The following GRIA2 variants were observed in gnomAD, a reference collection of about 807,000 sequenced individuals.
GRIA2 encodes glutamate ionotropic receptor AMPA type subunit 2.
Under a neutral mutation model 97.3 loss-of-function variants are expected in GRIA2, and 14 were observed. That is an observed-to-expected ratio of 0.14 (90% CI 0.10 to 0.23). The LOEUF is 0.23. GRIA2 is among the 10% of genes least tolerant of loss of function. The pLI is 1.00. For synonymous variants in GRIA2, 412 were observed against 387.8 expected (o/e 1.06, Z -0.73); for missense variants, 558 against 1,069.8 (o/e 0.52, Z 6.67).
intron 5 of GRIA2, among the ~76,000 whole-genome samples, chr4:157,319,698 CCT>C (rs1579359998): frequency 1.3e-5 from 2 of 152,038 alleles, no homozygotes; most frequent in Non-Finnish European, 2.9e-5. Flanking sequence ...TTTTCTTCCC[CCT>C]GTCAGGTTGT....
intron 12 of GRIA2, among the ~76,000 whole-genome samples, chr4:157,344,753 G>T (rs1240822336): frequency 6.6e-6 from 1 of 151,942 alleles, no homozygotes; most frequent in African/African-American, 2.4e-5. Context: ...GTCAACGGTT[G>T]GTTTTCGTCA....
At chr4:157,360,907 C>A (rs927473024) in intron 13 of GRIA2, 103 bp from the exon 14 acceptor site, 2 of 799,828 alleles carry the variant, frequency 2.5e-6, no homozygotes, top group Non-Finnish European at 4.1e-6. Context: ...TTTTTTGTGA[C>A]AAGAGTTGCC....
At chr4:157,305,171 C>G (rs1055430078) in intron 3 of GRIA2, among the ~76,000 whole-genome samples, 1 of 152,062 alleles carries the variant, frequency 6.6e-6, no homozygotes, top group Admixed American at 6.6e-5. Flanking sequence ...TCCTCTTGTT[C>G]TCTGCTAACT....
At chr4:157,305,070 A>C (rs1401283496) in intron 3 of GRIA2, among the ~76,000 whole-genome samples, 1 of 152,218 alleles carries the variant, frequency 6.6e-6, no homozygotes, top group Non-Finnish European at 1.5e-5. Context: ...CAGTAAATAC[A>C]GATTTCAATG....
At chr4:157,325,685 C>T (rs575068625) in intron 6 of GRIA2, among the ~76,000 whole-genome samples, 2 of 152,298 alleles carry the variant, frequency 1.3e-5, no homozygotes, top group African/African-American at 2.4e-5. Flanking sequence ...ATGGCAACTA[C>T]GTCTTTCAGT....
upstream of GRIA2, chr4:157,220,505 C>T (rs1250135558): frequency 1.3e-5 from 2 of 151,976 alleles, no homozygotes; most frequent in African/African-American, 4.8e-5. Context: ...CTCAGCGCCG[C>T]GCACGCGACG....
At chr4:157,355,742 TTATATATTTA>T in intron 12 of GRIA2, among the ~76,000 whole-genome samples, 1 of 44,960 alleles carries the variant, frequency 2.2e-5, no homozygotes, top group Non-Finnish European at 3.9e-5. Flanking sequence ...ATATATTTAT[TTATATATTTA>T]CATATATTAG....
At chr4:157,314,098 G>C (rs1450955392) in intron 4 of GRIA2, among the ~76,000 whole-genome samples, 1 of 152,090 alleles carries the variant, frequency 6.6e-6, no homozygotes, top group Non-Finnish European at 1.5e-5. Context: ...AGAGGTGGAA[G>C]AAAATCCATG....
intron 2 of GRIA2, among the ~76,000 whole-genome samples, chr4:157,290,308 A>G (rs1416392364): frequency 6.6e-6 from 1 of 151,898 alleles, no homozygotes; most frequent in Non-Finnish European, 1.5e-5. Context: ...ATCCTATCAA[A>G]TCAGTATATG....
At chr4:157,355,712 AT>A (rs1327436947) in intron 12 of GRIA2, among the ~76,000 whole-genome samples, 1 of 100,374 alleles carries the variant, frequency 1.0e-5, no homozygotes, top group Non-Finnish European at 1.8e-5. Flanking sequence ...ATTTGTATAT[AT>A]TTATTTATAT....
intron 6 of GRIA2, among the ~76,000 whole-genome samples, chr4:157,324,649 T>G (rs1378415202): frequency 5.9e-5 from 9 of 152,164 alleles, no homozygotes. Context: ...GCACATTTGT[T>G]GCTACTGCAA....
rs1414948003 is a variant in GRIA2 at position 157,341,581 on chromosome 4, C to G, written c.2043+119C>G. 1.5e-5 allele frequency: 10 copies of G among 675,604 alleles called. No individual in the cohort carries two copies. In the East Asian group the frequency reaches 2.6e-4, roughly 18 times the overall value. 41.9% of individuals were successfully genotyped at this position (675,604 alleles called of 1,614,324 possible). On this transcript the variant is annotated intron_variant, in intron 12 of 15. Transcript: ENST00000264426. ...TGTGAAAGCACCCCTAATTCTATTT[C>G]TTTTCTTGACTTTGTCTCTGTTTCT...
chr4:157,321,513 G>A lies in GRIA2; in HGVS notation c.796G>A (p.Asp266Asn), dbSNP rs1734564383. The change falls in exon 6 of 16, where the codon GAT becomes AAT. Residue 266 changes from aspartate (D) to asparagine (N), a missense_variant. By Grantham distance (23) the Asp-to-Asn change is conservative. Transcript: ENST00000264426. ...NVSGFQIVDY[D>N]DSLVSKFIER... ...CTCTGGATTTCAGATAGTGGACTAT[G>A]ATGATTCGTTGGTATCTAAATTTAT... 2 of 1,606,562 alleles carry A rather than the reference G, an allele frequency of 1.2e-6. No individual in the cohort carries two copies. The highest frequency in any genetic ancestry group is 1.3e-5 in the African/African-American group (1 of 74,764).
At chr4:157,334,429 C>G (rs1489144217) in intron 9 of GRIA2, 1 of 226,786 alleles carries the variant, frequency 4.4e-6, no homozygotes, top group Non-Finnish European at 8.9e-6. Flanking sequence ...ATTCACCTTT[C>G]CATTCCCACC....
chr4:157,360,534 C>A (rs1433028289), intron 13 of GRIA2, among the ~76,000 whole-genome samples: 1 of 152,114 alleles, frequency 6.6e-6, no homozygotes, highest in East Asian at 1.9e-4. Flanking sequence ...TGTATCCTAA[C>A]AGTAAACTGA....
chr4:157,318,001 T>G (rs1734401163), intron 5 of GRIA2, among the ~76,000 whole-genome samples: 1 of 152,020 alleles, frequency 6.6e-6, no homozygotes, highest in South Asian at 2.1e-4. Context: ...TAAATATAGC[T>G]TGATTATATT....
chr4:157,257,520 A>G (rs1011452196), intron 2 of GRIA2, among the ~76,000 whole-genome samples: 10 of 152,156 alleles, frequency 6.6e-5, no homozygotes, highest in African/African-American at 2.2e-4. Context: ...AATGCAAGAA[A>G]TAACAATTTA....
At chr4:157,247,358 G>C (rs934762765) in intron 2 of GRIA2, among the ~76,000 whole-genome samples, 4 of 152,166 alleles carry the variant, frequency 2.6e-5, no homozygotes, top group Non-Finnish European at 4.4e-5. Context: ...TGTGATTGAT[G>C]AAACTGGGAA....
At chr4:157,226,869 G>A (rs766578299) in intron 2 of GRIA2, among the ~76,000 whole-genome samples, 33 of 152,118 alleles carry the variant, frequency 2.2e-4, no homozygotes, top group South Asian at 6.2e-4. Flanking sequence ...ACACAATACC[G>A]TAAAAGCTGG....
Sources: gnomAD v4.1 joint callset for allele counts (sites outside exome capture counted in the v4.1 genomes callset) on GRCh38, gnomAD v4.1.1 for gene constraint, MANE v1.5 for transcripts, NCBI Gene and HGNC (gene_info 2026-07-23, HGNC 2026-07-21) for gene names.